Variants in NRXN3 observed in about 807,000 individuals in gnomAD.
NRXN3 encodes neurexin 3, also known as neurexin III.
A neutral mutation model predicts 137.6 loss-of-function variants in NRXN3; 32 were observed. The observed-to-expected ratio is 0.23, with a 90% CI of 0.18 to 0.31. The LOEUF (loss-of-function observed/expected upper bound fraction) is 0.31. NRXN3 is among the 10% of genes least tolerant of loss of function. The pLI, the probability that NRXN3 is intolerant of heterozygous loss-of-function variation, is 1.00. For missense variants in NRXN3, 1,574 were observed against 2,062.5 expected, an observed-to-expected ratio of 0.76 and a Z score of 4.59; for synonymous variants, 798 against 784.5, an observed-to-expected ratio of 1.02 and a Z score of -0.29.
At chr14:79,476,908 T>G (rs865944906) in intron 16 of NRXN3, among the ~76,000 whole-genome samples, 4 of 152,134 alleles carry the variant, frequency 2.6e-5, no homozygotes, top group Admixed American at 2.0e-4. Context: ...ACACCCCTAA[T>G]GAAAGTTTTA....
chr14:79,030,975 G>C (rs954311355), intron 15 of NRXN3, among the ~76,000 whole-genome samples: 1 of 151,886 alleles, frequency 6.6e-6, no homozygotes, highest in African/African-American at 2.4e-5. Context: ...GGAGAATAGC[G>C]ATATGTTGTT....
intron 4 of NRXN3, among the ~76,000 whole-genome samples, chr14:78,586,223 G>C (rs1352606993): frequency 2.0e-5 from 3 of 152,188 alleles, no homozygotes; most frequent in Non-Finnish European, 2.9e-5. Flanking sequence ...CCATCTGGCT[G>C]TTTAGAGACA....
chr14:79,283,575 G>C (rs771004187), intron 15 of NRXN3, among the ~76,000 whole-genome samples: 1 of 152,102 alleles, frequency 6.6e-6, no homozygotes, highest in Non-Finnish European at 1.5e-5. Flanking sequence ...GGACAGCCTA[G>C]AGGATGCTGG....
chr14:79,303,680 A>G (rs2085528957), intron 15 of NRXN3, among the ~76,000 whole-genome samples: 1 of 152,052 alleles, frequency 6.6e-6, no homozygotes, highest in Non-Finnish European at 1.5e-5. Flanking sequence ...TTGGCTTTTC[A>G]CACCAGAAAG....
chr14:78,931,169 A>G (rs2099320686), intron 10 of NRXN3, among the ~76,000 whole-genome samples: 1 of 152,184 alleles, frequency 6.6e-6, no homozygotes, highest in Non-Finnish European at 1.5e-5. Context: ...ACTAGAAGGC[A>G]GAATTAATCA....
rs1402838238 is a variant in NRXN3, at chr14:78,233,422, C to A, written c.-703-8969C>A. On this transcript the variant is annotated intron_variant, in intron 1 of 20. Coordinates refer to ENST00000335750, the MANE Select transcript of NRXN3 (RefSeq NM_001330195.2). Reference sequence around the variant, plus strand: ...TTCCTCTCCTCTGAGAAACCTCTGACCGCACCAGCCCTGAGTCATCTTGTT... The same window carrying A: ...TTCCTCTCCTCTGAGAAACCTCTGAACGCACCAGCCCTGAGTCATCTTGTT... Among the ~76,000 whole-genome samples the A allele has an allele frequency of 2.6e-5, 4 of 152,232 alleles. No homozygotes were observed. In the East Asian group the frequency reaches 7.7e-4, roughly 29 times the overall value.
At chr14:79,359,307 T>G (rs1425181639) in intron 15 of NRXN3, among the ~76,000 whole-genome samples, 1 of 152,144 alleles carries the variant, frequency 6.6e-6, no homozygotes, top group African/African-American at 2.4e-5. Context: ...TCCTTGCCAA[T>G]TTTTAAGTAA....
intron 7 of NRXN3, 28 bp downstream of exon 7, chr14:78,709,683 G>A: frequency 6.3e-7 from 1 of 1,577,646 alleles, no homozygotes; most frequent in Non-Finnish European, 8.6e-7. Flanking sequence ...GTGTGACTGA[G>A]ACTAGACGAA....
intron 4 of NRXN3, among the ~76,000 whole-genome samples, chr14:78,390,319 T>C (rs954107688): frequency 6.6e-6 from 1 of 152,206 alleles, no homozygotes. Context: ...TATTGTGTCA[T>C]TTGCAGTACA....
chr14:79,047,277 T>A (rs896836965), intron 15 of NRXN3, among the ~76,000 whole-genome samples: 1 of 152,080 alleles, frequency 6.6e-6, no homozygotes, highest in Admixed American at 6.6e-5. Context: ...AGTTATAATC[T>A]TGACAAAAAT....
intron 8 of NRXN3, among the ~76,000 whole-genome samples, chr14:78,746,526 G>A (rs937148875): frequency 6.6e-6 from 1 of 152,180 alleles, no homozygotes; most frequent in African/African-American, 2.4e-5. Context: ...AAGCCCACTC[G>A]AGTGTCTTGA....
chr14:79,567,805 C>G (rs548536408), intron 16 of NRXN3, among the ~76,000 whole-genome samples: 1 of 152,096 alleles, frequency 6.6e-6, no homozygotes, highest in East Asian at 1.9e-4. Flanking sequence ...AGCATACAGA[C>G]TTTCTGGATG....
chr14:78,773,426 C>T (rs573202844), intron 8 of NRXN3, among the ~76,000 whole-genome samples: 4 of 152,192 alleles, frequency 2.6e-5, no homozygotes, highest in African/African-American at 9.6e-5. Context: ...AGCTGCCTAC[C>T]AGCCAGAACC....
intron 15 of NRXN3, among the ~76,000 whole-genome samples, chr14:79,321,695 C>CA (rs1004620927): frequency 3.7e-4 from 55 of 149,798 alleles, no homozygotes; most frequent in African/African-American, 1.2e-3. Flanking sequence ...AGGAATGCTG[C>CA]AAAAAAAATC....
chr14:79,149,283 C>T (rs180942639), intron 15 of NRXN3, among the ~76,000 whole-genome samples: 36 of 151,940 alleles, frequency 2.4e-4, no homozygotes, highest in African/African-American at 8.2e-4. Flanking sequence ...CTGGCATCAC[C>T]ATTCCATAGC....
chr14:79,745,020 G>GA (rs35666988), intron 19 of NRXN3, among the ~76,000 whole-genome samples: 2,931 of 106,832 alleles, frequency 0.027, 90 homozygotes, highest in African/African-American at 0.074. Flanking sequence ...CATATCTTTA[G>GA]AAAAAAAAAA....
At chr14:79,092,487 GCACA>G (rs147201198) in intron 15 of NRXN3, among the ~76,000 whole-genome samples, 3 of 151,278 alleles carry the variant, frequency 2.0e-5, no homozygotes, top group African/African-American at 7.3e-5. Context: ...GAACGTGCAT[GCACA>G]CACACACACA....
At chr14:78,602,067 C>T (rs889002829) in intron 4 of NRXN3, among the ~76,000 whole-genome samples, 1 of 152,180 alleles carries the variant, frequency 6.6e-6, no homozygotes, top group African/African-American at 2.4e-5. Context: ...GCATGCATCA[C>T]TGTGAAGTCA....
At chr14:79,151,133 CTGAT>C (rs1440909146) in intron 15 of NRXN3, among the ~76,000 whole-genome samples, 1 of 151,882 alleles carries the variant, frequency 6.6e-6, no homozygotes, top group South Asian at 2.1e-4. Flanking sequence ...GAACTGGGGC[CTGAT>C]TGATTGATGT....
Sources: allele counts gnomAD v4.1 joint callset (sites outside exome capture counted in the v4.1 genomes callset), GRCh38; gene constraint gnomAD v4.1.1; transcripts MANE v1.5; gene names NCBI Gene and HGNC (gene_info 2026-07-23, HGNC 2026-07-21).